The following ENC1 variants were observed in gnomAD, a reference collection of about 807,000 sequenced individuals.
ENC1 encodes the protein ectodermal-neural cortex 1.
In ENC1, 19 loss-of-function variants were observed where a neutral mutation model predicts 40.9. The observed-to-expected ratio is 0.46, with a 90% CI of 0.32 to 0.68. The LOEUF is 0.68. Ranked by LOEUF, ENC1 falls within the 30% of genes least tolerant of loss-of-function variation. The pLI is 0.03. For synonymous variants in ENC1, 285 were observed against 291.1 expected (o/e 0.98, Z 0.21); for missense variants, 479 against 737.5 (o/e 0.65, Z 4.06).
chr5:74,627,807 A>T lies in ENC1; in HGVS notation c.*2218T>A, dbSNP rs145304812. Reference sequence around the variant, plus strand: ...TGCTTCAAAGTGTGGGACGTTTCACAGGGTGAGAATGGTCAAGTAGTGAGA... The same window carrying T: ...TGCTTCAAAGTGTGGGACGTTTCACTGGGTGAGAATGGTCAAGTAGTGAGA... On this transcript the variant is annotated 3_prime_UTR_variant, in exon 3 of 3. Coordinates refer to ENST00000302351, the MANE Select transcript of ENC1 (RefSeq NM_003633.4). The T allele has an allele frequency of 1.6e-3, 238 of 152,786 alleles. 2 individuals carry two copies. Among genetic ancestry groups the T allele is most frequent in the African/African-American group, 5.5e-3 (227 of 41,570 alleles). The allele number at this position is 152,786 out of a possible 1,614,324, so 9.5% of individuals were successfully genotyped here.
chr5:74,631,042 T>G (rs1747373627), intron 2 of ENC1, among the ~76,000 whole-genome samples: 2 of 149,238 alleles, frequency 1.3e-5, no homozygotes, highest in South Asian at 4.2e-4. Context: ...TATGTCAACA[T>G]TAGGCCAAAA....
intron 1 of ENC1, chr5:74,637,755 C>CGTGTGTGTGT (rs3842030): frequency 1.8e-4 from 27 of 150,034 alleles, no homozygotes; most frequent in African/African-American, 4.4e-4. Flanking sequence ...TCAAAAAATA[C>CGTGTGTGTGT]GTGTGTGTGT....
chr5:74,635,401 T>C lies in ENC1; in HGVS notation c.1085A>G (p.Asp362Gly). The change falls in exon 2 of 3, where the codon GAT becomes GGT. Residue 362 changes from aspartate to glycine, a missense_variant. By Grantham distance (94) the Asp-to-Gly change is moderately conservative. Coordinates refer to ENST00000302351, the MANE Select transcript of ENC1 (RefSeq NM_003633.4). This position sits in a 1 kb window ranked among gnomAD's most constrained non-coding sequence, Gnocchi z 5.5. ...CTTGGACCACTCCTCGTGCAGGGTA[T>C]CATAAACCCAGACATCTTTTGAGAC... ...NGVSKDVWVYDTLHEEWSKAA... is the reference protein window; with the variant it reads ...NGVSKDVWVYGTLHEEWSKAA... 6.2e-7 allele frequency: 1 copy of C among 1,614,126 alleles called. No individual in the cohort carries two copies. Among genetic ancestry groups the C allele is most frequent in the Non-Finnish European group, 8.5e-7 (1 of 1,180,008 alleles).
In ENC1 at chr5:74,635,892, G is replaced by A. The variant is rs1747570846; in HGVS notation, c.594C>T (p.Ser198=). The A allele has an allele frequency of 6.2e-7, 1 of 1,613,942 alleles. No homozygotes were observed. Among genetic ancestry groups the A allele is most frequent in the East Asian group, 2.2e-5 (1 of 44,882 alleles). ...CATCCTCTGTCTCCAGCTCTTCACTGGACAAGAGTTGCACTACCATGTCCT... is the reference window on the plus strand; with the variant it reads ...CATCCTCTGTCTCCAGCTCTTCACTAGACAAGAGTTGCACTACCATGTCCT... ...LPQDMVVQLL[S]SEELETEDER... is the part of the protein sequence containing the mutation. Residue 198 remains serine, a synonymous_variant, in exon 2 of 3, where the codon TCC becomes TCT. Coordinates refer to ENST00000302351, the MANE Select transcript of ENC1 (RefSeq NM_003633.4). This position sits in a 1 kb window ranked among gnomAD's most constrained non-coding sequence, Gnocchi z 5.5.
intron 2 of ENC1, among the ~76,000 whole-genome samples, chr5:74,631,181 C>CACAACAACA (rs368996589): frequency 3.3e-5 from 5 of 150,208 alleles, no homozygotes; most frequent in African/African-American, 1.2e-4. Context: ...AAAAAGGACA[C>CACAACAACA]ACAACAACAA....
In ENC1 at chr5:74,640,448, C is replaced by G. The variant is rs1580352644; in HGVS notation, c.-155G>C. 6.6e-6 allele frequency: 1 copy of G among 152,290 alleles called. No individual in the cohort carries two copies. The highest frequency in any genetic ancestry group is 1.9e-4 in the East Asian group (1 of 5,188). The allele number at this position is 152,290 out of a possible 1,614,324, so 9.4% of individuals were successfully genotyped here. A position where few individuals can be genotyped will look rare whatever the true frequency, so the allele number is the denominator to read the frequency against. On this transcript the variant is annotated 5_prime_UTR_variant, in exon 1 of 3. Transcript: ENST00000302351. Reference sequence around the variant, plus strand: ...GGGCCAGCCGGGGAGAGGACTGCGCCCCGAACGATGGCTCGCGGACCGGCT... The same window carrying G: ...GGGCCAGCCGGGGAGAGGACTGCGCGCCGAACGATGGCTCGCGGACCGGCT...
At chr5:74,640,021 C>T (rs1747787917) in intron 1 of ENC1, 1 of 152,310 alleles carries the variant, frequency 6.6e-6, no homozygotes, top group Non-Finnish European at 1.5e-5. Flanking sequence ...GAGAGGCTGA[C>T]TGTATCCTTA....
Position 74,635,692 on chromosome 5 carries a change from A to G in ENC1, c.794T>C (p.Ile265Thr). ...LITKQRKSKE[I>T]VEEAIRCKLK... ...TTTGCACCTGATGGCCTCTTCCACA[A>G]TTTCCTTACTCTTTCTCTGCTTGGT... Residue 265 changes from isoleucine (I) to threonine (T), a missense_variant, in exon 2 of 3, where the codon ATT (isoleucine) becomes ACT (threonine). By Grantham distance (89) the Ile-to-Thr change is moderately conservative. Coordinates refer to ENST00000302351, the MANE Select transcript of ENC1 (RefSeq NM_003633.4). This position sits in a 1 kb window ranked among gnomAD's most constrained non-coding sequence, Gnocchi z 5.5. The G allele has an allele frequency of 1.9e-6, 3 of 1,613,946 alleles. No homozygotes were observed. The highest frequency in any genetic ancestry group is 2.5e-6 in the Non-Finnish European group (3 of 1,179,968).
intron 1 of ENC1, among the ~76,000 whole-genome samples, chr5:74,638,695 GCTATTTTAATTAGTA>G (rs1747703835): frequency 1.3e-5 from 2 of 152,194 alleles, no homozygotes; most frequent in Admixed American, 6.5e-5. Context: ...CACTGTAGTT[GCTATTTTAATTAGTA>G]CATTCAATCT....
At position 74,628,956 on chromosome 5, in the gene ENC1, A is replaced by G. The variant is rs182962337; in HGVS notation, c.*1069T>C. The G allele has an allele frequency of 2.6e-5, 4 of 152,320 alleles. No homozygotes were observed. In the East Asian group the frequency reaches 7.7e-4, roughly 29 times the overall value. The allele number at this position is 152,320 out of a possible 1,614,324, so 9.4% of individuals were successfully genotyped here. A position where few individuals can be genotyped will look rare whatever the true frequency, so the allele number is the denominator to read the frequency against. ...CTGTAAAGCAATTTGGTCCTTTCCA[A>G]ATTTCAGCAGCTGAGACTGAATTAA... On this transcript the variant is annotated 3_prime_UTR_variant, in exon 3 of 3. Transcript: ENST00000302351.
rs753605980 is a variant in ENC1, at chr5:74,636,570, T to C, written c.-13-72A>G. 8.9e-5 allele frequency: 78 copies of C among 872,150 alleles called. No individual in the cohort carries two copies. The highest frequency in any genetic ancestry group is 1.2e-4 in the Non-Finnish European group (69 of 572,578). 54.0% of individuals were successfully genotyped at this position (872,150 alleles called of 1,614,324 possible). ...CAGAACAGCAGAACGAAAGCAACAA[T>C]GGTTTTGCACAAAAAACAGAACACT... On this transcript the variant is annotated intron_variant, in intron 1 of 2. Transcript: ENST00000302351. The surrounding 1 kb of genome is among the most constrained non-coding windows in gnomAD (Gnocchi z 4.8).
rs1747610080 is a variant in ENC1 at position 74,636,689 on chromosome 5, T to G, written c.-13-191A>C. On this transcript the variant is annotated intron_variant, in intron 1 of 2. Coordinates refer to ENST00000302351, the MANE Select transcript of ENC1 (RefSeq NM_003633.4). This position sits in a 1 kb window ranked among gnomAD's most constrained non-coding sequence, Gnocchi z 4.8. ...ACTACCCGGAAGGAAGGATATTCAC[T>G]GCTAATACTGTTGAGCTATTTGAAC... Among the ~76,000 whole-genome samples the G allele has an allele frequency of 6.6e-6, 1 of 151,336 alleles. No homozygotes were observed. The highest frequency in any genetic ancestry group is 1.5e-5 in the Non-Finnish European group (1 of 67,976).
intron 1 of ENC1, among the ~76,000 whole-genome samples, chr5:74,639,117 C>T (rs1434325149): frequency 6.6e-6 from 1 of 152,182 alleles, no homozygotes; most frequent in Non-Finnish European, 1.5e-5. Flanking sequence ...TGGAAAAGCA[C>T]GTCACAGTCA....
chr5:74,635,639 C>A lies in ENC1; in HGVS notation c.847G>T (p.Val283Leu). The change falls in exon 2 of 3, where the codon GTA (valine) becomes TTA (leucine). Residue 283 changes from valine to leucine, a missense_variant. Transcript: ENST00000302351. The surrounding 1 kb of genome is among the most constrained non-coding windows in gnomAD (Gnocchi z 5.5). ...KLKILQNDGV[V>L]TSLCARPRKT... Reference sequence around the variant, plus strand: ...CGAGGTCGGGCACAGAGGCTGGTTACCACACCGTCATTCTGCAGGATTTTC... The same window carrying A: ...CGAGGTCGGGCACAGAGGCTGGTTAACACACCGTCATTCTGCAGGATTTTC... 1.2e-6 allele frequency: 2 copies of A among 1,614,218 alleles called. No individual in the cohort carries two copies. The highest frequency in any genetic ancestry group is 1.7e-6 in the Non-Finnish European group (2 of 1,180,038).
chr5:74,635,112 C>T lies in ENC1; in HGVS notation c.1374G>A (p.Lys458=). The change falls in exon 2 of 3, where the codon AAG becomes AAA. Residue 458 remains lysine (K), a synonymous_variant. Coordinates refer to ENST00000302351, the MANE Select transcript of ENC1 (RefSeq NM_003633.4). This position sits in a 1 kb window ranked among gnomAD's most constrained non-coding sequence, Gnocchi z 5.5. ...AFGGTSVSHD[K]LPKVQCYDQC... Reference sequence around the variant, plus strand: ...GATCGTAACACTGAACTTTGGGGAGCTTGTCATGACTGACACTGGTACCTC... The same window carrying T: ...GATCGTAACACTGAACTTTGGGGAGTTTGTCATGACTGACACTGGTACCTC... 6.2e-7 allele frequency: 1 copy of T among 1,614,238 alleles called. No individual in the cohort carries two copies.
At chr5:74,634,231 G>C (rs2112024797) in intron 2 of ENC1, among the ~76,000 whole-genome samples, 1 of 152,158 alleles carries the variant, frequency 6.6e-6, no homozygotes, top group Middle Eastern at 3.4e-3. Flanking sequence ...GGCCAACATG[G>C]TGAAACCCCG....
chr5:74,631,927 C>T (rs1039320), intron 2 of ENC1, among the ~76,000 whole-genome samples: 34,182 of 152,208 alleles, frequency 0.22, 6,308 homozygotes, highest in African/African-American at 0.51. Flanking sequence ...AGTTACTACA[C>T]GTCAAGCACT....
chr5:74,639,535 T>G (rs981199536), intron 1 of ENC1, among the ~76,000 whole-genome samples: 2 of 152,228 alleles, frequency 1.3e-5, no homozygotes, highest in African/African-American at 4.8e-5. Context: ...GAACCTGATC[T>G]CAATCCAATC....
In ENC1 at chr5:74,636,620, A is replaced by C. The variant is rs1381773170; in HGVS notation, c.-13-122T>G. The C allele has an allele frequency of 1.6e-6, 1 of 627,032 alleles. No homozygotes were observed. Among genetic ancestry groups the C allele is most frequent in the African/African-American group, 1.8e-5 (1 of 54,398 alleles). 38.8% of individuals were successfully genotyped at this position (627,032 alleles called of 1,614,324 possible). On this transcript the variant is annotated intron_variant, in intron 1 of 2. Transcript: ENST00000302351. This position sits in a 1 kb window ranked among gnomAD's most constrained non-coding sequence, Gnocchi z 4.8. ...TTTGTTGTTGACCATGCCACCTACT[A>C]TTCTAGAATAGTGTATGGCCATTCC...
Sources: allele counts gnomAD v4.1 joint callset (sites outside exome capture counted in the v4.1 genomes callset), GRCh38; gene constraint gnomAD v4.1.1; non-coding constraint Gnocchi (gnomAD v3.1); transcripts MANE v1.5; gene names NCBI Gene and HGNC (gene_info 2026-07-23, HGNC 2026-07-21).